Variants in UMAD1 observed in about 807,000 individuals in gnomAD.
UMAD1 encodes UBAP1-MVB12-associated (UMA)-domain containing protein 1.
In UMAD1, 8 loss-of-function variants were observed where a neutral mutation model predicts 6.1. That is an observed-to-expected ratio of 1.30 (90% CI 0.76 to 2.35). The LOEUF is 2.35. UMAD1 is among the 30% of genes most tolerant of loss of function. The probability of loss-of-function intolerance (pLI) is 0.00; values close to 1 mark genes in which losing one functional copy is unlikely to be tolerated. For missense variants in UMAD1, 130 were observed against 78.4 expected, an observed-to-expected ratio of 1.66 and a Z score of -2.49; for synonymous variants, 56 against 31.4, an observed-to-expected ratio of 1.78 and a Z score of -2.61.
intron 3 of UMAD1, among the ~76,000 whole-genome samples, chr7:7,835,880 T>C (rs1427984006): frequency 6.6e-6 from 1 of 152,068 alleles, no homozygotes; most frequent in South Asian, 2.1e-4. Flanking sequence ...TTCTTCTCAA[T>C]TGGTTTGGAA....
chr7:7,696,250 C>G (rs1255449996), intron 2 of UMAD1, among the ~76,000 whole-genome samples: 1 of 150,776 alleles, frequency 6.6e-6, no homozygotes, highest in Non-Finnish European at 1.5e-5. Flanking sequence ...TCCTTGAACT[C>G]ATACAAGACT....
intron 3 of UMAD1, among the ~76,000 whole-genome samples, chr7:7,807,766 A>T (rs1328797304): frequency 6.6e-6 from 1 of 152,068 alleles, no homozygotes; most frequent in Non-Finnish European, 1.5e-5. Context: ...AAGTGATGAT[A>T]ATTTAGCATT....
At chr7:7,810,326 A>G (rs1440119325) in intron 3 of UMAD1, among the ~76,000 whole-genome samples, 1 of 152,108 alleles carries the variant, frequency 6.6e-6, no homozygotes, top group Non-Finnish European at 1.5e-5. Context: ...AAAGATGTTA[A>G]TATACTTTGA....
At chr7:7,864,313 T>C (rs1438686087) in intron 3 of UMAD1, among the ~76,000 whole-genome samples, 1 of 152,092 alleles carries the variant, frequency 6.6e-6, no homozygotes, top group African/African-American at 2.4e-5. Flanking sequence ...CTGAAATAAA[T>C]GTGAGCTCTA....
At chr7:7,673,164 C>A in intron 1 of UMAD1, 145 bp from the exon 2 acceptor site, 1 of 673,716 alleles carries the variant, frequency 1.5e-6, no homozygotes, top group South Asian at 1.7e-5. Flanking sequence ...CGGCTGACAT[C>A]TAGAGAAGGC....
At chr7:7,776,777 T>A (rs1782216391) in intron 2 of UMAD1, among the ~76,000 whole-genome samples, 2 of 152,202 alleles carry the variant, frequency 1.3e-5, no homozygotes, top group Non-Finnish European at 2.9e-5. Context: ...GATCACCCTA[T>A]CTAAATGTTC....
intron 1 of UMAD1, among the ~76,000 whole-genome samples, chr7:7,652,971 ATTTATTTT>A (rs1287854959): frequency 6.6e-6 from 1 of 152,196 alleles, no homozygotes; most frequent in Admixed American, 6.5e-5. Context: ...ATAATGTTTT[ATTTATTTT>A]TACATTTATT....
chr7:7,761,567 C>T (rs566424512), intron 2 of UMAD1, among the ~76,000 whole-genome samples: 8 of 152,214 alleles, frequency 5.3e-5, no homozygotes, highest in South Asian at 2.1e-4. Flanking sequence ...GACTTGGTAA[C>T]GGATCACATT....
At chr7:7,808,402 C>A (rs1420877112) in intron 3 of UMAD1, among the ~76,000 whole-genome samples, 1 of 151,934 alleles carries the variant, frequency 6.6e-6, no homozygotes, top group Non-Finnish European at 1.5e-5. Context: ...AGCAAGTCGT[C>A]ATTCTTTTTC....
intron 2 of UMAD1, among the ~76,000 whole-genome samples, chr7:7,748,569 AT>A (rs1354300796): frequency 6.6e-6 from 1 of 151,980 alleles, no homozygotes; most frequent in Non-Finnish European, 1.5e-5. Context: ...TTAGATTTAC[AT>A]TTACAGCAAG....
chr7:7,643,820 A>G (rs1785034102), intron 1 of UMAD1, among the ~76,000 whole-genome samples: 4 of 151,362 alleles, frequency 2.6e-5, no homozygotes, highest in Admixed American at 2.0e-4. Context: ...TAACAAGCAC[A>G]CCTTCCTTTC....
intron 2 of UMAD1, among the ~76,000 whole-genome samples, chr7:7,789,829 A>AT (rs1421492074): frequency 3.3e-5 from 5 of 152,150 alleles, no homozygotes; most frequent in South Asian, 2.1e-4. Context: ...TTTATACTAC[A>AT]TTTTTTTAAT....
chr7:7,793,031 G>A (rs555512315), intron 2 of UMAD1, among the ~76,000 whole-genome samples: 42 of 152,242 alleles, frequency 2.8e-4, no homozygotes, highest in African/African-American at 1.0e-3. Flanking sequence ...ATTTTGCAGG[G>A]ATCGGGGAGG....
intron 3 of UMAD1, among the ~76,000 whole-genome samples, chr7:7,817,282 G>A (rs1415543227): frequency 6.6e-6 from 1 of 152,170 alleles, no homozygotes. Context: ...GTGCCATGAA[G>A]TGGGGATTCG....
intron 3 of UMAD1, among the ~76,000 whole-genome samples, chr7:7,820,197 A>ATGAGATCTGAGGAAGATATATTG (rs1783214643): frequency 6.6e-6 from 1 of 152,216 alleles, no homozygotes; most frequent in Non-Finnish European, 1.5e-5. Flanking sequence ...ACAGGAGAGT[A>ATGAGATCTGAGGAAGATATATTG]TGAGAATTAT....
chr7:7,709,053 A>G (rs1307505882), intron 2 of UMAD1, among the ~76,000 whole-genome samples: 1 of 152,074 alleles, frequency 6.6e-6, no homozygotes, highest in African/African-American at 2.4e-5. Flanking sequence ...TAAAAATACC[A>G]ATTAACTACT....
intron 2 of UMAD1, among the ~76,000 whole-genome samples, chr7:7,687,902 C>T (rs746092621): frequency 2.0e-4 from 31 of 152,182 alleles, no homozygotes; most frequent in Non-Finnish European, 3.8e-4. Context: ...TTATTTCTGG[C>T]ATCCATCATT....
chr7:7,754,215 CA>C (rs900044368), intron 2 of UMAD1, among the ~76,000 whole-genome samples: 2 of 151,380 alleles, frequency 1.3e-5, no homozygotes, highest in African/African-American at 2.4e-5. Flanking sequence ...CAAAGCAAAA[CA>C]AAAAAAACAG....
At chr7:7,789,836 T>A (rs913973436) in intron 2 of UMAD1, among the ~76,000 whole-genome samples, 17 of 152,342 alleles carry the variant, frequency 1.1e-4, no homozygotes, top group African/African-American at 3.8e-4. Flanking sequence ...TACATTTTTT[T>A]AATTCATTCA....
Sources: gnomAD v4.1 joint callset for allele counts (sites outside exome capture counted in the v4.1 genomes callset) on GRCh38, gnomAD v4.1.1 for gene constraint, MANE v1.5 for transcripts, NCBI Gene and HGNC (gene_info 2026-07-23, HGNC 2026-07-21) for gene names.